Variants in CACNA2D1 observed in about 807,000 individuals in gnomAD.
The protein encoded by CACNA2D1 is voltage-dependent calcium channel subunit alpha-2/delta-1.
CACNA2D1 carries 53 observed loss-of-function variants against 171.5 expected under a neutral mutation model. The observed-to-expected ratio is 0.31, with a 90% CI of 0.25 to 0.39. CACNA2D1 has a LOEUF of 0.39. Ranked by LOEUF, CACNA2D1 falls within the 10% of genes least tolerant of loss-of-function variation. The pLI is 1.00. For missense variants in CACNA2D1, 903 were observed against 1,299.8 expected (o/e 0.69, Z 4.69); for synonymous variants, 442 against 443.1 (o/e 1.00, Z 0.03).
intron 24 of CACNA2D1, among the ~76,000 whole-genome samples, chr7:81,980,871 G>T (rs892396562): frequency 1.3e-5 from 2 of 152,076 alleles, no homozygotes; most frequent in Non-Finnish European, 2.9e-5. Flanking sequence ...TGCTCGTTTG[G>T]GAGGATGGCA....
chr7:82,246,000 T>C (rs1450742514), intron 3 of CACNA2D1, among the ~76,000 whole-genome samples: 1 of 152,072 alleles, frequency 6.6e-6, no homozygotes, highest in Non-Finnish European at 1.5e-5. Context: ...ATCATTTGTA[T>C]TCTGTCATAA....
chr7:82,268,911 T>C (rs1808266584), intron 3 of CACNA2D1, among the ~76,000 whole-genome samples: 2 of 152,042 alleles, frequency 1.3e-5, no homozygotes, highest in South Asian at 4.2e-4. Flanking sequence ...CAACAGGAAA[T>C]TGAAAAGACA....
At chr7:82,414,871 T>G (rs1828010627) in intron 1 of CACNA2D1, among the ~76,000 whole-genome samples, 1 of 152,194 alleles carries the variant, frequency 6.6e-6, no homozygotes, top group African/African-American at 2.4e-5. Flanking sequence ...CATTCATACT[T>G]ATAATCACAT....
chr7:82,214,731 C>G (rs150377388), intron 3 of CACNA2D1, among the ~76,000 whole-genome samples: 55 of 152,254 alleles, frequency 3.6e-4, no homozygotes, highest in African/African-American at 1.2e-3. Context: ...TACAATGTAT[C>G]AAAATTATTA....
intron 3 of CACNA2D1, among the ~76,000 whole-genome samples, chr7:82,273,982 A>AAC (rs1808982157): frequency 1.3e-5 from 2 of 152,158 alleles, no homozygotes; most frequent in Non-Finnish European, 2.9e-5. Flanking sequence ...CAGTCATTGT[A>AAC]ACACACTGTG....
chr7:82,050,632 G>A, intron 10 of CACNA2D1: 3 of 702,690 alleles, frequency 4.3e-6, no homozygotes. Context: ...TACTATCCTG[G>A]AATGCAAATA....
At chr7:81,997,035 T>C in intron 19 of CACNA2D1, 144 bp downstream of exon 19, 1 of 660,882 alleles carries the variant, frequency 1.5e-6, no homozygotes, top group Non-Finnish European at 2.8e-6. Flanking sequence ...CTAGAAAATT[T>C]TAATGACAAA....
At chr7:82,287,253 C>G (rs1366273651) in intron 3 of CACNA2D1, among the ~76,000 whole-genome samples, 1 of 127,056 alleles carries the variant, frequency 7.9e-6, no homozygotes, top group African/African-American at 3.4e-5. Context: ...TTGGCTTCTT[C>G]TTTTCTTTCT....
At chr7:82,345,290 G>A (rs1819116869) in intron 2 of CACNA2D1, among the ~76,000 whole-genome samples, 1 of 152,114 alleles carries the variant, frequency 6.6e-6, no homozygotes, top group Non-Finnish European at 1.5e-5. Flanking sequence ...TCTTTGAGTA[G>A]CATATTGAAA....
intron 2 of CACNA2D1, among the ~76,000 whole-genome samples, chr7:82,342,823 C>T (rs1818829561): frequency 6.6e-6 from 1 of 152,086 alleles, no homozygotes; most frequent in Non-Finnish European, 1.5e-5. Flanking sequence ...GAGTGAAAGG[C>T]AAATTGAGAC....
chr7:82,304,132 C>T (rs1047342234), intron 3 of CACNA2D1, among the ~76,000 whole-genome samples: 6 of 151,856 alleles, frequency 4.0e-5, no homozygotes, highest in African/African-American at 1.5e-4. Flanking sequence ...CAAATCAAAA[C>T]CACAATGCGT....
rs17156329 is a variant in CACNA2D1, at chr7:82,437,589, T to A, written c.95+5776A>T. ...CATATTCAAAGAGAACTTCAAATAT[T>A]GCTTTATATATAACAGCCTAATTCT... On this transcript the variant is annotated intron_variant, in intron 1 of 38. Coordinates refer to ENST00000356860, the MANE Select transcript of CACNA2D1 (RefSeq NM_000722.4). 7.5e-3 allele frequency among the ~76,000 whole-genome samples: 1,135 copies of A among 152,282 alleles called. 10 individuals are homozygous for A. The highest frequency in any genetic ancestry group is 0.026 in the African/African-American group (1,100 of 41,560).
chr7:82,171,783 T>C (rs898168597), intron 3 of CACNA2D1, among the ~76,000 whole-genome samples: 1 of 152,098 alleles, frequency 6.6e-6, no homozygotes, highest in African/African-American at 2.4e-5. Flanking sequence ...ATAATAAATA[T>C]ACTAAACTCA....
At chr7:82,230,399 G>A (rs1266387672) in intron 3 of CACNA2D1, among the ~76,000 whole-genome samples, 2 of 152,088 alleles carry the variant, frequency 1.3e-5, no homozygotes, top group African/African-American at 2.4e-5. Flanking sequence ...ATTTATATTG[G>A]GTTGTTTCTA....
At chr7:82,435,964 T>G (rs1830087070) in intron 1 of CACNA2D1, among the ~76,000 whole-genome samples, 1 of 152,120 alleles carries the variant, frequency 6.6e-6, no homozygotes, top group South Asian at 2.1e-4. Flanking sequence ...ACAGACCACG[T>G]TTCTTTAGAC....
At chr7:81,952,639 T>A (rs560380040) in intron 38 of CACNA2D1, among the ~76,000 whole-genome samples, 5 of 152,240 alleles carry the variant, frequency 3.3e-5, no homozygotes, top group African/African-American at 1.2e-4. Flanking sequence ...CTTGTTTGTG[T>A]CTCTCTCCTT....
chr7:82,099,422 C>CTTTTTTTTTTTTTTTTTTTTTTTTTTT (rs932080938), intron 6 of CACNA2D1, among the ~76,000 whole-genome samples: 1 of 40,292 alleles, frequency 2.5e-5, no homozygotes, highest in Non-Finnish European at 4.9e-5. Flanking sequence ...GCAATACCTT[C>CTTTTTTTTTTTTTTTTTTTTTTTTTTT]TTTTTTTTTT....
intron 5 of CACNA2D1, among the ~76,000 whole-genome samples, chr7:82,133,278 A>T (rs1481282870): frequency 6.6e-6 from 1 of 152,212 alleles, no homozygotes; most frequent in African/African-American, 2.4e-5. Context: ...GATTTCACAG[A>T]TATGTAAACA....
chr7:82,378,176 C>T (rs942302201), intron 1 of CACNA2D1, among the ~76,000 whole-genome samples: 4 of 152,050 alleles, frequency 2.6e-5, no homozygotes, highest in African/African-American at 7.2e-5. Context: ...GGCAAGAGGA[C>T]TGCTTGAGCC....
Sources: allele counts gnomAD v4.1 joint callset (sites outside exome capture counted in the v4.1 genomes callset), GRCh38; gene constraint gnomAD v4.1.1; transcripts MANE v1.5; gene names NCBI Gene and HGNC (gene_info 2026-07-23, HGNC 2026-07-21).